Variants in SPAG1 observed in about 807,000 individuals in gnomAD.
SPAG1 encodes sperm associated antigen 1.
Under a neutral mutation model 100.5 loss-of-function variants are expected in SPAG1, and 69 were observed. The ratio of observed to expected loss-of-function variants is 0.69; its 90% CI spans 0.57 to 0.84. SPAG1 has a LOEUF of 0.84. Among genes scored for constraint, SPAG1 ranks in the 40% least tolerant of loss-of-function variants. The pLI is 0.00. For missense variants in SPAG1, 955 were observed against 1,133.1 expected, an observed-to-expected ratio of 0.84 and a Z score of 2.26; for synonymous variants, 336 against 411.6, an observed-to-expected ratio of 0.82 and a Z score of 2.22.
At position 100,233,534 on chromosome 8, in the gene SPAG1, C is replaced by A; in HGVS notation, c.2112C>A (p.Leu704=). The A allele has an allele frequency of 6.3e-7, 1 of 1,592,550 alleles. No homozygotes were observed. Among genetic ancestry groups the A allele is most frequent in the Non-Finnish European group, 8.6e-7 (1 of 1,167,624 alleles). Residue 704 remains leucine (L), a synonymous_variant, in exon 16 of 19, where the codon CTC becomes CTA. Coordinates refer to ENST00000388798, the MANE Select transcript of SPAG1 (RefSeq NM_003114.5). Reference sequence around the variant, plus strand: ...GACGAGCTCTGGCTCATAAAGGACTCAAGGTGAGGAAATCTTCATTTTAAT... The same window carrying A: ...GACGAGCTCTGGCTCATAAAGGACTAAAGGTGAGGAAATCTTCATTTTAAT... ...FYRRALAHKG[L]KNYQKSLIDL... is the part of the protein sequence containing the mutation.
chr8:100,220,563 A>C (rs1454472410), intron 13 of SPAG1, 132 bp downstream of exon 13: 1 of 705,574 alleles, frequency 1.4e-6, no homozygotes, highest in African/African-American at 1.8e-5. Context: ...GCCTTCTTTT[A>C]TTCCATTACA....
rs767479569 is a variant in SPAG1 at position 100,207,433 on chromosome 8, C to A, written c.1097-5657C>A. Among the ~76,000 whole-genome samples, 186 of 152,294 alleles carry A rather than the reference C, an allele frequency of 1.2e-3. 1 individual carries two copies. Among genetic ancestry groups the A allele is most frequent in the Non-Finnish European group, 2.0e-3 (137 of 68,036 alleles). On this transcript the variant is annotated intron_variant, in intron 10 of 18. Transcript: ENST00000388798. ...ACTAGGGCCTGGTTCACTGATGGTT[C>A]TACACGATATGCAGGCATCACCCAA...
chr8:100,206,920 C>T (rs1238637368), intron 10 of SPAG1, among the ~76,000 whole-genome samples: 6 of 152,214 alleles, frequency 3.9e-5, no homozygotes, highest in African/African-American at 1.4e-4. Flanking sequence ...GGCCATATGA[C>T]CTAGCAGATC....
chr8:100,194,998 C>T (rs900192623), intron 10 of SPAG1, among the ~76,000 whole-genome samples: 1 of 151,874 alleles, frequency 6.6e-6, no homozygotes, highest in African/African-American at 2.4e-5. Flanking sequence ...AACCCTGTCT[C>T]TACTCCAAAT....
intron 8 of SPAG1, among the ~76,000 whole-genome samples, chr8:100,190,666 T>TC (rs1347538288): frequency 6.6e-4 from 94 of 143,000 alleles, no homozygotes; most frequent in African/African-American, 2.2e-3. Flanking sequence ...TTTTTTTCTT[T>TC]TTTTTTTTTT....
At chr8:100,182,775 G>A (rs1816420163) in intron 4 of SPAG1, among the ~76,000 whole-genome samples, 1 of 151,976 alleles carries the variant, frequency 6.6e-6, no homozygotes, top group Non-Finnish European at 1.5e-5. Context: ...AAGAAAATCA[G>A]TAATAATCAT....
At chr8:100,189,218 G>A (rs1340295535) in intron 8 of SPAG1, among the ~76,000 whole-genome samples, 1 of 150,778 alleles carries the variant, frequency 6.6e-6, no homozygotes, top group Non-Finnish European at 1.5e-5. Flanking sequence ...GCTCATGCTT[G>A]TAATCCCAGC....
chr8:100,168,044 T>C (rs1240501087), intron 3 of SPAG1, among the ~76,000 whole-genome samples: 2 of 152,242 alleles, frequency 1.3e-5, no homozygotes. Context: ...TCCCACAGTT[T>C]GTTTACCCAC....
At chr8:100,201,317 G>T (rs1817266070) in intron 10 of SPAG1, among the ~76,000 whole-genome samples, 1 of 151,814 alleles carries the variant, frequency 6.6e-6, no homozygotes, top group African/African-American at 2.4e-5. Flanking sequence ...AGAGACAGGG[G>T]TCTCACTTCG....
chr8:100,223,139 A>G (rs772123242), intron 13 of SPAG1, among the ~76,000 whole-genome samples: 8 of 152,196 alleles, frequency 5.3e-5, no homozygotes, highest in Non-Finnish European at 1.2e-4. Flanking sequence ...GCATGTATAT[A>G]TCATATCACA....
chr8:100,228,518 G>C (rs1190392462), intron 14 of SPAG1, among the ~76,000 whole-genome samples: 2 of 151,846 alleles, frequency 1.3e-5, no homozygotes, highest in East Asian at 1.9e-4. Context: ...TTTGAGACCA[G>C]ACTAGGCAAC....
Position 100,194,273 on chromosome 8 carries a change from A to C in SPAG1, c.1096+5A>C, listed in dbSNP as rs768916975. On this transcript the variant is annotated splice_donor_5th_base_variant and intron_variant, in intron 10 of 18. Coordinates refer to ENST00000388798, the MANE Select transcript of SPAG1 (RefSeq NM_003114.5). ...AAGATGGCGGTGGAGATAAGAGTAA[A>C]ATATTTTTTCTATTTAGGTTATGTA... The C allele has an allele frequency of 1.2e-5, 19 of 1,607,318 alleles. No homozygotes were observed. In the Admixed American group the frequency reaches 2.3e-4, roughly 20 times the overall value.
chr8:100,241,137 A>C lies in SPAG1; in HGVS notation c.*115A>C. On this transcript the variant is annotated 3_prime_UTR_variant, in exon 19 of 19. Coordinates refer to ENST00000388798, the MANE Select transcript of SPAG1 (RefSeq NM_003114.5). This position sits in a 1 kb window ranked among gnomAD's most constrained non-coding sequence, Gnocchi z 5.1. ...CTTGGCCTAGAAAAGTTTGGTCTGCACTATAAAACATTTTACTTATTTTCC... is the reference window on the plus strand; with the variant it reads ...CTTGGCCTAGAAAAGTTTGGTCTGCCCTATAAAACATTTTACTTATTTTCC... The C allele has an allele frequency of 6.6e-6, 6 of 908,052 alleles. No homozygotes were observed. Among genetic ancestry groups the C allele is most frequent in the South Asian group, 2.1e-5 (1 of 48,448 alleles). The allele number at this position is 908,052 out of a possible 1,614,324, so 56.2% of individuals were successfully genotyped here. A position where few individuals can be genotyped will look rare whatever the true frequency, so the allele number is the denominator to read the frequency against.
Position 100,241,028 on chromosome 8 carries a change from G to T in SPAG1, c.*6G>T. ...AAAGGCAGTATGAGCTTTAAATCAA[G>T]ATAATTGTTAGATTTCTTCCATGCA... On this transcript the variant is annotated 3_prime_UTR_variant, in exon 19 of 19. Transcript: ENST00000388798. The surrounding 1 kb of genome is among the most constrained non-coding windows in gnomAD (Gnocchi z 5.1). 2 of 1,608,706 alleles carry T rather than the reference G, an allele frequency of 1.2e-6. No homozygotes were observed. Among genetic ancestry groups the T allele is most frequent in the South Asian group, 1.1e-5 (1 of 89,696 alleles).
intron 10 of SPAG1, among the ~76,000 whole-genome samples, chr8:100,201,174 G>A (rs886873774): frequency 4.0e-5 from 6 of 151,832 alleles, no homozygotes; most frequent in Non-Finnish European, 8.8e-5. Context: ...GAAATGCAGA[G>A]TGGCACAATC....
intron 3 of SPAG1, among the ~76,000 whole-genome samples, chr8:100,173,033 CTTTTTTTTTT>C (rs149257955): frequency 1.6e-5 from 1 of 63,612 alleles, no homozygotes; most frequent in Non-Finnish European, 2.8e-5. Context: ...TTGACCACTT[CTTTTTTTTTT>C]TTTTTTTTTT....
chr8:100,174,162 T>C (rs939517723), intron 3 of SPAG1, among the ~76,000 whole-genome samples: 1 of 152,226 alleles, frequency 6.6e-6, no homozygotes, highest in Non-Finnish European at 1.5e-5. Context: ...AACTTAACTA[T>C]TGATAGTCTA....
chr8:100,213,899 T>G lies in SPAG1; in HGVS notation c.1516T>G (p.Cys506Gly). Residue 506 changes from cysteine to glycine, a missense_variant, in exon 12 of 19, where the codon TGC (cysteine) becomes GGC (glycine). Coordinates refer to ENST00000388798, the MANE Select transcript of SPAG1 (RefSeq NM_003114.5). Reference protein sequence around the residue: ...CYLKEGNCSGCIQDCNRALEL... With the variant: ...CYLKEGNCSGGIQDCNRALEL... ...CCTAAAAGAAGGAAACTGCAGTGGC[T>G]GCATTCAAGATTGTAACAGGTAAAC... 1 of 1,597,710 alleles carries G rather than the reference T, an allele frequency of 6.3e-7. No individual in the cohort carries two copies. The highest frequency in any genetic ancestry group is 8.6e-7 in the Non-Finnish European group (1 of 1,166,682).
At chr8:100,194,395 C>A (rs764783580) in intron 10 of SPAG1, 127 bp downstream of exon 10, 4 of 1,347,696 alleles carry the variant, frequency 3.0e-6, no homozygotes. Context: ...TGTAAATTCA[C>A]AAGCCAGTTT....
Sources: gnomAD v4.1 joint callset for allele counts (sites outside exome capture counted in the v4.1 genomes callset) on GRCh38, gnomAD v4.1.1 for gene constraint, Gnocchi (gnomAD v3.1) non-coding constraint, MANE v1.5 for transcripts, NCBI Gene and HGNC (gene_info 2026-07-23, HGNC 2026-07-21) for gene names.